Variants in UNC5C observed in about 807,000 individuals in gnomAD.
The protein encoded by UNC5C is unc-5 netrin receptor C, also known as netrin receptor UNC5C.
UNC5C carries 47 observed loss-of-function variants against 99.8 expected under a neutral mutation model. The ratio of observed to expected loss-of-function variants is 0.47; its 90% CI spans 0.37 to 0.60. The LOEUF (loss-of-function observed/expected upper bound fraction) is 0.60, where lower values mean the gene tolerates loss of function less well. Among genes scored for constraint, UNC5C ranks in the 20% least tolerant of loss-of-function variants. UNC5C has a pLI of 0.00. For synonymous variants in UNC5C, 487 were observed against 452.2 expected, an observed-to-expected ratio of 1.08 and a Z score of -0.98; for missense variants, 1,062 against 1,165.9, an observed-to-expected ratio of 0.91 and a Z score of 1.30.
chr4:95,360,043 T>C (rs1315000666), intron 1 of UNC5C, among the ~76,000 whole-genome samples: 1 of 152,022 alleles, frequency 6.6e-6, no homozygotes, highest in Non-Finnish European at 1.5e-5. Context: ...AAATACTCAA[T>C]ACATAGACTT....
At chr4:95,303,551 C>T (rs920462194) in intron 2 of UNC5C, among the ~76,000 whole-genome samples, 1 of 152,202 alleles carries the variant, frequency 6.6e-6, no homozygotes, top group African/African-American at 2.4e-5. Context: ...TGGCGCACGC[C>T]TGTAATCCCA....
intron 12 of UNC5C, among the ~76,000 whole-genome samples, chr4:95,191,295 A>G (rs2149354604): frequency 6.6e-6 from 1 of 152,252 alleles, no homozygotes; most frequent in Middle Eastern, 3.4e-3. Flanking sequence ...TCCATTAAGT[A>G]TCAGGCTTAC....
At chr4:95,399,403 C>T (rs1745621317) in intron 1 of UNC5C, among the ~76,000 whole-genome samples, 1 of 152,116 alleles carries the variant, frequency 6.6e-6, no homozygotes, top group Non-Finnish European at 1.5e-5. Flanking sequence ...TTTAAAAATG[C>T]AAAAGATTGT....
At chr4:95,312,259 A>G (rs1327854664) in intron 2 of UNC5C, among the ~76,000 whole-genome samples, 1 of 152,154 alleles carries the variant, frequency 6.6e-6, no homozygotes, top group Non-Finnish European at 1.5e-5. Flanking sequence ...TTCAGAAGAT[A>G]CTAAGACTAG....
At chr4:95,325,259 A>G (rs1030461207) in intron 2 of UNC5C, among the ~76,000 whole-genome samples, 6 of 152,204 alleles carry the variant, frequency 3.9e-5, no homozygotes, top group African/African-American at 1.4e-4. Flanking sequence ...GGGAATGACA[A>G]CCACTTGGAA....
intron 14 of UNC5C, among the ~76,000 whole-genome samples, chr4:95,180,452 C>G (rs954946009): frequency 6.6e-6 from 1 of 152,226 alleles, no homozygotes; most frequent in Admixed American, 6.5e-5. Flanking sequence ...CTTTTATCAT[C>G]TTTTACATTT....
intron 1 of UNC5C, among the ~76,000 whole-genome samples, chr4:95,476,160 C>A (rs1748138375): frequency 6.6e-6 from 1 of 152,080 alleles, no homozygotes; most frequent in African/African-American, 2.4e-5. Context: ...TCCTTTTAAA[C>A]ACATCCTTTC....
intron 14 of UNC5C, among the ~76,000 whole-genome samples, chr4:95,177,394 A>G (rs1736409477): frequency 8.2e-6 from 1 of 122,332 alleles, no homozygotes; most frequent in Non-Finnish European, 1.8e-5. Context: ...CAACACCACC[A>G]TCATCACCCA....
chr4:95,438,491 A>G (rs1746853956), intron 1 of UNC5C, among the ~76,000 whole-genome samples: 1 of 152,134 alleles, frequency 6.6e-6, no homozygotes. Flanking sequence ...AAAGTATAGC[A>G]TAATGCAAAA....
At chr4:95,206,893 C>T in intron 10 of UNC5C, 97 bp from the exon 11 acceptor site, 2 of 981,572 alleles carry the variant, frequency 2.0e-6, no homozygotes, top group South Asian at 5.6e-5. Context: ...GTAGTTTTCT[C>T]CTGGAATTCT....
intron 3 of UNC5C, among the ~76,000 whole-genome samples, chr4:95,292,398 G>T (rs1741510483): frequency 6.6e-6 from 1 of 151,560 alleles, no homozygotes; most frequent in Non-Finnish European, 1.5e-5. Flanking sequence ...GCCTCCCGGA[G>T]ATTACATATA....
At chr4:95,194,218 T>C (rs76089010) in intron 12 of UNC5C, among the ~76,000 whole-genome samples, 133 of 152,296 alleles carry the variant, frequency 8.7e-4, no homozygotes, top group Middle Eastern at 3.4e-3. Flanking sequence ...GGCGTGCTCT[T>C]AGGACAACAG....
intron 1 of UNC5C, among the ~76,000 whole-genome samples, chr4:95,474,499 A>G (rs1452949019): frequency 6.6e-6 from 1 of 152,014 alleles, no homozygotes; most frequent in Non-Finnish European, 1.5e-5. Flanking sequence ...CATATTGTCC[A>G]GGCTGGTCTC....
At chr4:95,449,942 A>C (rs917240536) in intron 1 of UNC5C, among the ~76,000 whole-genome samples, 3 of 152,246 alleles carry the variant, frequency 2.0e-5, no homozygotes, top group Non-Finnish European at 4.4e-5. Flanking sequence ...TTCAGACTGC[A>C]GTGGAAAATC....
In UNC5C at chr4:95,548,717, T is replaced by C; in HGVS notation, c.124+17A>G. 6.2e-7 allele frequency: 1 copy of C among 1,611,390 alleles called. No individual in the cohort carries two copies. Among genetic ancestry groups the C allele is most frequent in the Non-Finnish European group, 8.5e-7 (1 of 1,178,708 alleles). ...AAGCTAAGGGAGGTGGCCGCGGAGCTTGGCGGACCCCCTTACCTTGGGCGG... is the reference window on the plus strand; with the variant it reads ...AAGCTAAGGGAGGTGGCCGCGGAGCCTGGCGGACCCCCTTACCTTGGGCGG... On this transcript the variant is annotated intron_variant, in intron 1 of 15. Coordinates refer to ENST00000453304, the MANE Select transcript of UNC5C (RefSeq NM_003728.4).
intron 1 of UNC5C, among the ~76,000 whole-genome samples, chr4:95,524,822 G>A (rs1474648454): frequency 1.3e-5 from 2 of 152,144 alleles, no homozygotes; most frequent in Non-Finnish European, 2.9e-5. Context: ...AGCTGGAACC[G>A]GGAGCCAAGG....
intron 1 of UNC5C, among the ~76,000 whole-genome samples, chr4:95,359,583 G>A (rs998517453): frequency 4.6e-5 from 7 of 151,508 alleles, no homozygotes; most frequent in African/African-American, 1.2e-4. Context: ...CCTCTGGGAC[G>A]CAACTTTTTA....
At chr4:95,268,009 G>A (rs1446829755) in intron 4 of UNC5C, among the ~76,000 whole-genome samples, 1 of 139,968 alleles carries the variant, frequency 7.1e-6, no homozygotes, top group Non-Finnish European at 1.5e-5. Flanking sequence ...GAGTGCAGTG[G>A]CGCGATCTCG....
intron 1 of UNC5C, among the ~76,000 whole-genome samples, chr4:95,389,495 A>G (rs1271843000): frequency 6.6e-6 from 1 of 152,176 alleles, no homozygotes; most frequent in Non-Finnish European, 1.5e-5. Context: ...TCTGGTAGCC[A>G]CTAGCTATAT....
Sources: gnomAD v4.1 joint callset for allele counts (sites outside exome capture counted in the v4.1 genomes callset) on GRCh38, gnomAD v4.1.1 for gene constraint, MANE v1.5 for transcripts, NCBI Gene and HGNC (gene_info 2026-07-23, HGNC 2026-07-21) for gene names.